The following WDR20 variants were observed in gnomAD, a reference collection of about 807,000 sequenced individuals.
The protein encoded by WDR20 is WD repeat-containing protein 20.
A neutral mutation model predicts 38.7 loss-of-function variants in WDR20; 3 were observed. That is an observed-to-expected ratio of 0.08 (90% CI 0.04 to 0.20). The LOEUF (loss-of-function observed/expected upper bound fraction) is 0.20, where lower values mean the gene tolerates loss of function less well. WDR20 is among the 10% of genes least tolerant of loss of function. The pLI is 1.00. For missense variants in WDR20, 559 were observed against 727.7 expected (o/e 0.77, Z 2.67); for synonymous variants, 298 against 285.6 (o/e 1.04, Z -0.44).
In WDR20 at chr14:102,197,348, G is replaced by A. The variant is rs1264378237; in HGVS notation, c.432+2228G>A. Among the ~76,000 whole-genome samples the A allele has an allele frequency of 7.2e-5, 11 of 152,314 alleles. No homozygotes were observed. In the East Asian group the frequency reaches 1.5e-3, roughly 21 times the overall value. The stretch of plus-strand genomic sequence containing the variant: ...AGTACTGGGCACGTGTCAGCACAGC[G>A]ATATGAACAAAATACCAAGGGCTAG... On this transcript the variant is annotated intron_variant, in intron 2 of 2. Coordinates refer to ENST00000342702, the MANE Select transcript of WDR20 (RefSeq NM_144574.4).
downstream of WDR20, chr14:102,212,927 C>T (rs999033733): frequency 1.8e-6 from 2 of 1,082,044 alleles, no homozygotes; most frequent in Admixed American, 4.4e-5. Flanking sequence ...AATACTCAGT[C>T]AGCATCACTG....
intron 1 of WDR20, among the ~76,000 whole-genome samples, chr14:102,177,881 T>C (rs2062506780): frequency 6.6e-6 from 1 of 152,238 alleles, no homozygotes; most frequent in Non-Finnish European, 1.5e-5. Context: ...TTATGTTTTC[T>C]GTCTTACAAG....
At chr14:102,175,970 C>G (rs1372556523) in intron 1 of WDR20, among the ~76,000 whole-genome samples, 1 of 152,098 alleles carries the variant, frequency 6.6e-6, no homozygotes, top group Non-Finnish European at 1.5e-5. Context: ...TTAGGGTTTT[C>G]TAGGTATATG....
chr14:102,165,207 C>T (rs2059515062), intron 1 of WDR20, among the ~76,000 whole-genome samples: 1 of 152,122 alleles, frequency 6.6e-6, no homozygotes, highest in East Asian at 1.9e-4. Flanking sequence ...AACTGTGGCT[C>T]TCCCTCCTCA....
At chr14:102,181,580 T>A (rs149594015) in intron 1 of WDR20, among the ~76,000 whole-genome samples, 2,590 of 152,290 alleles carry the variant, frequency 0.017, 51 homozygotes, top group South Asian at 0.097. Context: ...TTAGATTACA[T>A]AAGATTTTTC....
At chr14:102,202,152 A>T (rs1223059133) in intron 2 of WDR20, among the ~76,000 whole-genome samples, 2 of 144,016 alleles carry the variant, frequency 1.4e-5, no homozygotes. Flanking sequence ...CTCTGCCCCC[A>T]CCCTGCTTCC....
chr14:102,193,033 G>C (rs544888093), intron 1 of WDR20, among the ~76,000 whole-genome samples: 1 of 150,154 alleles, frequency 6.7e-6, no homozygotes, highest in Non-Finnish European at 1.5e-5. Context: ...TGAATATGCT[G>C]ATACAGTAAT....
intron 1 of WDR20, among the ~76,000 whole-genome samples, chr14:102,143,720 T>C (rs2052396237): frequency 6.6e-6 from 1 of 151,892 alleles, no homozygotes; most frequent in African/African-American, 2.4e-5. Context: ...AATTTTTGTA[T>C]TTTTGGTAGA....
rs534503694 is a variant in WDR20, at chr14:102,151,173, ATTTT to A, written c.249+11023_249+11026del. Reference sequence around the variant, plus strand: ...TCTCTTCAAAACCATCCATTGGGGAATTTTTTTTTTTTTTTTTTTTTTTTTGTCA... The same window carrying A: ...TCTCTTCAAAACCATCCATTGGGGAATTTTTTTTTTTTTTTTTTTTTGTCA... On this transcript the variant is annotated intron_variant, in intron 1 of 2. Transcript: ENST00000342702. Among the ~76,000 whole-genome samples, 458 of 111,512 alleles carry A rather than the reference ATTTT, an allele frequency of 4.1e-3. 2 individuals carry two copies. Among genetic ancestry groups the A allele is most frequent in the African/African-American group, 0.017 (420 of 25,440 alleles). 73.2% of individuals were successfully genotyped at this position (111,512 alleles called of 152,430 possible).
chr14:102,146,148 GT>G (rs1014801203), intron 1 of WDR20, among the ~76,000 whole-genome samples: 2 of 151,372 alleles, frequency 1.3e-5, no homozygotes, highest in African/African-American at 2.4e-5. Flanking sequence ...TGCTGGAAGA[GT>G]TTTTTTGTTT....
chr14:102,163,626 T>TAAAAAAA (rs2059198386), intron 1 of WDR20, among the ~76,000 whole-genome samples: 1 of 2,348 alleles, frequency 4.3e-4, no homozygotes, highest in Non-Finnish European at 1.0e-3. Flanking sequence ...AGACTCTGTC[T>TAAAAAAA]CAAAAAAAAA....
chr14:102,148,596 T>C (rs996211048), intron 1 of WDR20, among the ~76,000 whole-genome samples: 2 of 151,892 alleles, frequency 1.3e-5, no homozygotes, highest in Admixed American at 6.6e-5. Context: ...ATGACTGGTA[T>C]ATACAAGGCA....
intron 2 of WDR20, among the ~76,000 whole-genome samples, chr14:102,201,658 C>T (rs2060407430): frequency 6.6e-6 from 1 of 152,198 alleles, no homozygotes; most frequent in African/African-American, 2.4e-5. Flanking sequence ...AGCCTGCATC[C>T]CCACAGAGCA....
At chr14:102,213,238 G>T, downstream of WDR20, 1 of 985,490 alleles carries the variant, frequency 1.0e-6, no homozygotes. Flanking sequence ...TTCAGAAGGA[G>T]AATTAAAAAT....
In WDR20 at chr14:102,209,428, A is replaced by G. The variant is rs1282811174; in HGVS notation, c.1258A>G (p.Thr420Ala). The G allele has an allele frequency of 6.2e-7, 1 of 1,614,074 alleles. No individual in the cohort carries two copies. The highest frequency in any genetic ancestry group is 1.3e-5 in the African/African-American group (1 of 74,924). ...TGGAAGCAATGGGAACAGTGTTACA[A>G]CACCCGGGAACTCTGTGCCGCCTCC... ...PAGSNGNSVT[T>A]PGNSVPPPLP... Residue 420 changes from threonine (T) to alanine (A), a missense_variant, in exon 3 of 3, where the codon ACA becomes GCA. By Grantham distance (58) the Thr-to-Ala change is moderately conservative (BLOSUM62 0). Transcript: ENST00000342702. The surrounding 1 kb of genome is among the most constrained non-coding windows in gnomAD (Gnocchi z 6.0).
At chr14:102,213,883 C>G (rs1408048595), downstream of WDR20, 3 of 985,316 alleles carry the variant, frequency 3.0e-6, no homozygotes, top group African/African-American at 5.2e-5. Flanking sequence ...AACCCAAGCG[C>G]CACATCATGC....
chr14:102,205,260 CAAAAA>C (rs574170540), intron 2 of WDR20, among the ~76,000 whole-genome samples: 1 of 116,794 alleles, frequency 8.6e-6, no homozygotes, highest in Non-Finnish European at 1.9e-5. Context: ...GACCCTGTCT[CAAAAA>C]AAAAAAAAAG....
chr14:102,178,515 G>A (rs1174378940), intron 1 of WDR20, among the ~76,000 whole-genome samples: 1 of 151,960 alleles, frequency 6.6e-6, no homozygotes, highest in Non-Finnish European at 1.5e-5. Flanking sequence ...GTTCTCTTAG[G>A]CGTGGTCCCT....
rs543835192 is a variant in WDR20, at chr14:102,207,626, G to C, written c.433-977G>C. 4.6e-5 allele frequency among the ~76,000 whole-genome samples: 7 copies of C among 152,314 alleles called. No homozygotes were observed. The highest frequency in any genetic ancestry group is 1.7e-4 in the African/African-American group (7 of 41,576). ...AGGAGCTTCTAGGTAGAACTTGGGAGTCTTGGGACTTCTGGATGTGTTCTG... is the reference window on the plus strand; with the variant it reads ...AGGAGCTTCTAGGTAGAACTTGGGACTCTTGGGACTTCTGGATGTGTTCTG... On this transcript the variant is annotated intron_variant, in intron 2 of 2. Coordinates refer to ENST00000342702, the MANE Select transcript of WDR20 (RefSeq NM_144574.4). This position sits in a 1 kb window ranked among gnomAD's most constrained non-coding sequence, Gnocchi z 5.0.
Sources: allele counts gnomAD v4.1 joint callset (sites outside exome capture counted in the v4.1 genomes callset), GRCh38; gene constraint gnomAD v4.1.1; non-coding constraint Gnocchi (gnomAD v3.1); transcripts MANE v1.5; gene names NCBI Gene and HGNC (gene_info 2026-07-23, HGNC 2026-07-21).